The following DCC variants were observed in gnomAD, a reference collection of about 807,000 sequenced individuals.
DCC encodes DCC netrin 1 receptor.
DCC carries 58 observed loss-of-function variants against 172.5 expected under a neutral mutation model. That is an observed-to-expected ratio of 0.34 (90% confidence interval 0.27 to 0.42). The LOEUF (loss-of-function observed/expected upper bound fraction) is 0.42. Ranked by LOEUF, DCC falls within the 10% of genes least tolerant of loss-of-function variation. The pLI is 1.00. For synonymous variants in DCC, 709 were observed against 644.5 expected (o/e 1.10, Z -1.52); for missense variants, 1,740 against 1,791.0 (o/e 0.97, Z 0.51).
Position 53,102,992 on chromosome 18 carries a change from A to G in DCC, c.1261+36826A>G, listed in dbSNP as rs117310121. 5.0e-4 allele frequency among the ~76,000 whole-genome samples: 76 copies of G among 152,208 alleles called. 1 individual carries two copies. The East Asian group carries it at 0.013, about 26-fold the overall frequency. ...TCAGAGAGAATTTTGAAAAACATGA[A>G]ATGCTTAGGGTTAGTTGCTAAGGGA... is the stretch of plus-strand genomic sequence containing the variant. On this transcript the variant is annotated intron_variant, in intron 7 of 28. Coordinates refer to ENST00000442544, the MANE Select transcript of DCC (RefSeq NM_005215.4).
chr18:52,418,398 G>A (rs1254957187), intron 1 of DCC, among the ~76,000 whole-genome samples: 1 of 152,148 alleles, frequency 6.6e-6, no homozygotes, highest in African/African-American at 2.4e-5. Context: ...CATTATACTA[G>A]TGCAAGCAGT....
chr18:52,712,083 C>T (rs968955360), intron 1 of DCC, among the ~76,000 whole-genome samples: 3 of 152,176 alleles, frequency 2.0e-5, no homozygotes, highest in African/African-American at 7.2e-5. Flanking sequence ...GCCTCAGCCT[C>T]CTGAGTAGCT....
At chr18:52,758,585 G>A (rs939240614) in intron 2 of DCC, among the ~76,000 whole-genome samples, 2 of 151,830 alleles carry the variant, frequency 1.3e-5, no homozygotes, top group Non-Finnish European at 2.9e-5. Flanking sequence ...GAAATAATTA[G>A]TGAAAGCATA....
intron 7 of DCC, among the ~76,000 whole-genome samples, chr18:53,132,139 C>T (rs961539671): frequency 6.6e-6 from 1 of 151,886 alleles, no homozygotes; most frequent in African/African-American, 2.4e-5. Flanking sequence ...TAATCACCAA[C>T]TGCCAAATTT....
At chr18:52,667,124 G>A (rs576445549) in intron 1 of DCC, among the ~76,000 whole-genome samples, 3 of 152,218 alleles carry the variant, frequency 2.0e-5, no homozygotes, top group South Asian at 2.1e-4. Flanking sequence ...CTGAAGATAG[G>A]CCCAAATGAG....
At chr18:53,208,800 GCTCA>G (rs2055699850) in intron 11 of DCC, among the ~76,000 whole-genome samples, 1 of 152,138 alleles carries the variant, frequency 6.6e-6, no homozygotes, top group Admixed American at 6.5e-5. Flanking sequence ...TGCAGTCTCA[GCTCA>G]CTGCAACCTC....
At chr18:52,554,827 C>A (rs75760303) in intron 1 of DCC, among the ~76,000 whole-genome samples, 6,253 of 151,888 alleles carry the variant, frequency 0.041, 161 homozygotes, top group Non-Finnish European at 0.054. Context: ...TGTATAAGAT[C>A]TGAAAAGGAA....
intron 2 of DCC, among the ~76,000 whole-genome samples, chr18:52,788,700 T>C (rs1336601510): frequency 1.3e-5 from 2 of 152,138 alleles, no homozygotes; most frequent in Non-Finnish European, 2.9e-5. Flanking sequence ...GCCAGTTTCT[T>C]ATTGGGATTA....
chr18:53,142,648 A>G (rs2043848353), intron 7 of DCC, among the ~76,000 whole-genome samples: 1 of 152,224 alleles, frequency 6.6e-6, no homozygotes. Flanking sequence ...TGAAAATTGT[A>G]AAAATATAGC....
chr18:52,716,969 A>G (rs370701925), intron 1 of DCC, among the ~76,000 whole-genome samples: 4 of 152,298 alleles, frequency 2.6e-5, no homozygotes, highest in African/African-American at 9.6e-5. Context: ...CCAAGATCCA[A>G]AATATTATAC....
At chr18:53,497,459 G>C (rs1484206997) in intron 26 of DCC, among the ~76,000 whole-genome samples, 1 of 152,202 alleles carries the variant, frequency 6.6e-6, no homozygotes, top group African/African-American at 2.4e-5. Context: ...GGAACAAAGA[G>C]TGAGGAGAGG....
chr18:53,163,683 C>T (rs906378119), intron 8 of DCC, among the ~76,000 whole-genome samples: 1 of 152,168 alleles, frequency 6.6e-6, no homozygotes, highest in African/African-American at 2.4e-5. Flanking sequence ...AGTTAAAGAG[C>T]AGCATATATT....
chr18:52,410,710 C>T (rs768305607), intron 1 of DCC, among the ~76,000 whole-genome samples: 10 of 152,104 alleles, frequency 6.6e-5, no homozygotes, highest in Non-Finnish European at 1.2e-4. Context: ...TCACCTTGGG[C>T]CTGAAGCAGC....
rs547741949 is a variant in DCC at position 53,057,317 on chromosome 18, A to G, written c.986-5988A>G. Among the ~76,000 whole-genome samples, 374 of 152,164 alleles carry G rather than the reference A, an allele frequency of 2.5e-3. 3 individuals are homozygous for G. Among genetic ancestry groups the G allele is most frequent in the African/African-American group, 5.9e-3 (245 of 41,546 alleles). On this transcript the variant is annotated intron_variant, in intron 5 of 28. Coordinates refer to ENST00000442544, the MANE Select transcript of DCC (RefSeq NM_005215.4). ...TAAATTTAAAGAAAACTTTTACCCA[A>G]ATTTAAGGTTTGCCTGTACAACTCT...
intron 7 of DCC, among the ~76,000 whole-genome samples, chr18:53,133,853 T>G (rs1041490163): frequency 6.6e-6 from 1 of 152,110 alleles, no homozygotes; most frequent in Non-Finnish European, 1.5e-5. Flanking sequence ...ATGCCAGCTA[T>G]GAAAAGCTGA....
At chr18:52,757,950 G>C in intron 2 of DCC, among the ~76,000 whole-genome samples, 1 of 152,034 alleles carries the variant, frequency 6.6e-6, no homozygotes, top group Admixed American at 6.5e-5. Context: ...ATTTCAGAAC[G>C]CTGTAAACAA....
intron 5 of DCC, among the ~76,000 whole-genome samples, chr18:53,007,357 A>C (rs184097262): frequency 2.8e-4 from 43 of 152,278 alleles, no homozygotes; most frequent in Non-Finnish European, 5.4e-4. Context: ...CACAAATATA[A>C]TTAGTTTCCT....
intron 1 of DCC, among the ~76,000 whole-genome samples, chr18:52,566,609 A>G (rs2033167023): frequency 6.6e-6 from 1 of 152,188 alleles, no homozygotes; most frequent in Non-Finnish European, 1.5e-5. Context: ...AATTTTGTAT[A>G]TACCTTTATG....
At chr18:52,672,152 C>T (rs1206096733) in intron 1 of DCC, among the ~76,000 whole-genome samples, 1 of 152,010 alleles carries the variant, frequency 6.6e-6, no homozygotes, top group East Asian at 1.9e-4. Flanking sequence ...TTGTTTATGC[C>T]TCAGAATAAC....
Sources: gnomAD v4.1 joint callset for allele counts (sites outside exome capture counted in the v4.1 genomes callset) on GRCh38, gnomAD v4.1.1 for gene constraint, MANE v1.5 for transcripts, NCBI Gene and HGNC (gene_info 2026-07-23, HGNC 2026-07-21) for gene names.